ALPL: variants seen among roughly 807,000 people sequenced by gnomAD.
The protein encoded by ALPL is alkaline phosphatase, biomineralization associated.
In ALPL, 42 loss-of-function variants were observed where a neutral mutation model predicts 51.3. The ratio of observed to expected loss-of-function variants is 0.82; its 90% CI spans 0.64 to 1.06. ALPL has a LOEUF of 1.06. Ranked by LOEUF, ALPL falls within the 50% of genes least tolerant of loss-of-function variation. The pLI is 0.00. For synonymous variants in ALPL, 279 were observed against 296.4 expected, an observed-to-expected ratio of 0.94 and a Z score of 0.60; for missense variants, 589 against 709.4, an observed-to-expected ratio of 0.83 and a Z score of 1.93.
chr1:21,538,210 C>T (rs903370640), intron 1 of ALPL, among the ~76,000 whole-genome samples: 7 of 152,292 alleles, frequency 4.6e-5, no homozygotes, highest in Non-Finnish European at 5.9e-5. Flanking sequence ...AGGTGGTGTG[C>T]CCAAGGTCAA....
At chr1:21,546,663 A>G (rs1448295165) in intron 1 of ALPL, among the ~76,000 whole-genome samples, 6 of 152,218 alleles carry the variant, frequency 3.9e-5, no homozygotes, top group African/African-American at 1.4e-4. Flanking sequence ...GCAGGGCTTC[A>G]CTAAAGCCTC....
At chr1:21,574,386 A>T (rs537161542) in intron 9 of ALPL, 49 of 180,970 alleles carry the variant, frequency 2.7e-4, no homozygotes, top group Non-Finnish European at 5.0e-4. Context: ...CCGTGTTTCT[A>T]TTATTAGCCT....
Position 21,577,512 on chromosome 1 carries a change from T to C in ALPL, c.1439T>C (p.Val480Ala). Residue 480 changes from valine to alanine, a missense_variant, in exon 12 of 12, where the codon GTC becomes GCC. Transcript: ENST00000374840. ...LLHGVHEQNY[V>A]PHVMAYAACI... ...CACGGCGTCCACGAGCAGAACTACGTCCCCCACGTGATGGCGTATGCAGCC... is the reference window on the plus strand; with the variant it reads ...CACGGCGTCCACGAGCAGAACTACGCCCCCCACGTGATGGCGTATGCAGCC... 1 of 1,608,204 alleles carries C rather than the reference T, an allele frequency of 6.2e-7. No individual in the cohort carries two copies. The highest frequency in any genetic ancestry group is 1.6e-4 in the Middle Eastern group (1 of 6,062).
intron 1 of ALPL, among the ~76,000 whole-genome samples, chr1:21,510,750 C>G (rs997635023): frequency 1.3e-5 from 2 of 152,220 alleles, no homozygotes; most frequent in Admixed American, 6.5e-5. Flanking sequence ...CGCTCTTCCT[C>G]CACTCTCCAG....
rs1217638168 is a variant in ALPL, at chr1:21,552,106, T to TCCTCCCCTCCCCTCCCCTCC, written c.-104-1864_-104-1863insCCCCTCCCCTCCCCTCCCCT. 1.5e-4 allele frequency among the ~76,000 whole-genome samples: 5 copies of TCCTCCCCTCCCCTCCCCTCC among 33,814 alleles called. 1 individual carries two copies. Among genetic ancestry groups the TCCTCCCCTCCCCTCCCCTCC allele is most frequent in the African/African-American group, 4.4e-4 (3 of 6,826 alleles). 22.2% of individuals were successfully genotyped at this position (33,814 alleles called of 152,430 possible). A position where few individuals can be genotyped will look rare whatever the true frequency, so the allele number is the denominator to read the frequency against. ...TTTCTCCCTTCCCTTCCCTTCCCTT[T>TCCTCCCCTCCCCTCCCCTCC]CCTCCCCTTCCCTTTCCTCCCTCCC... On this transcript the variant is annotated intron_variant, in intron 1 of 11. Transcript: ENST00000374840.
At chr1:21,528,019 T>C (rs533889792) in intron 1 of ALPL, among the ~76,000 whole-genome samples, 2 of 151,954 alleles carry the variant, frequency 1.3e-5, no homozygotes, top group Non-Finnish European at 2.9e-5. Context: ...TTTTTTTGTT[T>C]TTTTGTTTTT....
At chr1:21,574,010 G>T in intron 9 of ALPL, 1 of 985,460 alleles carries the variant, frequency 1.0e-6, no homozygotes, top group Non-Finnish European at 1.2e-6. Flanking sequence ...TGCAAGTTAG[G>T]TTCAGCAATC....
chr1:21,515,449 C>T (rs915303545), intron 1 of ALPL, among the ~76,000 whole-genome samples: 2 of 152,132 alleles, frequency 1.3e-5, no homozygotes, highest in Admixed American at 6.5e-5. Flanking sequence ...AGTGCAGTGG[C>T]GTGATCTCGG....
chr1:21,569,313 GGT>G (rs1485522328), intron 7 of ALPL, among the ~76,000 whole-genome samples: 1 of 152,188 alleles, frequency 6.6e-6, no homozygotes, highest in Non-Finnish European at 1.5e-5. Context: ...CCAGGAACTC[GGT>G]CTAGACCTCT....
intron 9 of ALPL, among the ~76,000 whole-genome samples, chr1:21,575,150 G>A (rs1302155358): frequency 2.0e-5 from 3 of 152,218 alleles, no homozygotes; most frequent in Non-Finnish European, 4.4e-5. Flanking sequence ...GGAGCTCCGT[G>A]CTTTCTTTTT....
intron 1 of ALPL, among the ~76,000 whole-genome samples, chr1:21,528,680 GATAAC>G (rs1279397446): frequency 2.0e-5 from 3 of 151,890 alleles, no homozygotes; most frequent in African/African-American, 7.3e-5. Flanking sequence ...GGTATGTTTT[GATAAC>G]AAGAGGTTTT....
chr1:21,522,161 T>C (rs2148068346), intron 1 of ALPL, among the ~76,000 whole-genome samples: 1 of 149,172 alleles, frequency 6.7e-6, no homozygotes, highest in East Asian at 2.0e-4. Flanking sequence ...AAGCTCCACC[T>C]CCTGGGTTCA....
intron 1 of ALPL, among the ~76,000 whole-genome samples, chr1:21,519,484 CTT>C (rs1326825566): frequency 6.6e-6 from 1 of 152,222 alleles, no homozygotes. Flanking sequence ...AAGGGCATCT[CTT>C]TTTAAAAGGG....
chr1:21,539,525 A>G (rs1037302952), intron 1 of ALPL, among the ~76,000 whole-genome samples: 18 of 152,162 alleles, frequency 1.2e-4, no homozygotes, highest in Admixed American at 3.3e-4. Context: ...CGCCTTGAAC[A>G]CTGCCTTGCC....
chr1:21,563,965 G>C lies in ALPL; in HGVS notation c.473-76G>C, dbSNP rs549758339. 5 of 1,565,166 alleles carry C rather than the reference G, an allele frequency of 3.2e-6. No homozygotes were observed. In the East Asian group the frequency reaches 6.8e-5, roughly 21 times the overall value. On this transcript the variant is annotated intron_variant, in intron 5 of 11. Transcript: ENST00000374840. ...AGCGGGGGCCTGTCTTTAGCGGGGA[G>C]GGGGAAGGGAGGGAGGAGGCCTCTG...
chr1:21,568,303 G>C (rs1366171329), intron 7 of ALPL, 56 bp downstream of exon 7: 6 of 1,611,162 alleles, frequency 3.7e-6, no homozygotes, highest in East Asian at 4.5e-5. Flanking sequence ...GGGAGAGGCT[G>C]TGTGACCCCT....
In ALPL at chr1:21,575,734, A is replaced by G. The variant is rs1644718822; in HGVS notation, c.999A>G (p.Gly333=). The part of the protein sequence containing the change: ...NPKGFFLLVE[G]GRIDHGHHEG... ...AGGCCTTTGCCTTGGTGTCCCAAGG[A>G]GGCAGAATTGACCACGGGCACCATG... Residue 333 remains glycine, a splice_region_variant and synonymous_variant, in exon 10 of 12, where the codon GGA becomes GGG. Transcript: ENST00000374840. 1 of 1,614,056 alleles carries G rather than the reference A, an allele frequency of 6.2e-7. No individual in the cohort carries two copies. The highest frequency in any genetic ancestry group is 8.5e-7 in the Non-Finnish European group (1 of 1,179,994).
chr1:21,539,127 G>A (rs1401332639), intron 1 of ALPL, among the ~76,000 whole-genome samples: 1 of 152,240 alleles, frequency 6.6e-6, no homozygotes, highest in East Asian at 1.9e-4. Flanking sequence ...CTTGCCTCCT[G>A]TTTGAGGAGT....
At chr1:21,522,095 G>A (rs1022466889) in intron 1 of ALPL, among the ~76,000 whole-genome samples, 19 of 138,590 alleles carry the variant, frequency 1.4e-4, no homozygotes, top group African/African-American at 4.6e-4. Flanking sequence ...TTTTTGAGAT[G>A]GAGTCTCGCT....
Sources: allele counts gnomAD v4.1 joint callset (sites outside exome capture counted in the v4.1 genomes callset), GRCh38; gene constraint gnomAD v4.1.1; transcripts MANE v1.5; gene names NCBI Gene and HGNC (gene_info 2026-07-23, HGNC 2026-07-21).